GRIK1: variants seen among roughly 807,000 people sequenced by gnomAD.
The protein encoded by GRIK1 is glutamate receptor ionotropic, kainate 1.
GRIK1 carries 69 observed loss-of-function variants against 105.7 expected under a neutral mutation model. That is an observed-to-expected ratio of 0.65 (90% CI 0.54 to 0.80). GRIK1 has a LOEUF of 0.80. Ranked by LOEUF, GRIK1 falls within the 30% of genes least tolerant of loss-of-function variation. The pLI is 0.00. For synonymous variants in GRIK1, 438 were observed against 431.3 expected (o/e 1.02, Z -0.19); for missense variants, 1,109 against 1,167.3 (o/e 0.95, Z 0.73).
chr21:29,860,912 A>T (rs914940975), intron 1 of GRIK1, among the ~76,000 whole-genome samples: 1 of 152,186 alleles, frequency 6.6e-6, no homozygotes, highest in Non-Finnish European at 1.5e-5. Context: ...ATAGAAAAAC[A>T]TTAATTTTAA....
intron 14 of GRIK1, among the ~76,000 whole-genome samples, chr21:29,574,883 A>T (rs2090850892): frequency 6.6e-6 from 1 of 150,564 alleles, no homozygotes. Flanking sequence ...TTTAGTAGAG[A>T]CGGGGTTTCA....
intron 7 of GRIK1, among the ~76,000 whole-genome samples, chr21:29,603,780 TG>T (rs2061563177): frequency 6.6e-6 from 1 of 152,166 alleles, no homozygotes; most frequent in African/African-American, 2.4e-5. Flanking sequence ...TTTGGTTGAG[TG>T]GAAATCTCCA....
At chr21:29,805,182 C>CA (rs1254069497) in intron 1 of GRIK1, among the ~76,000 whole-genome samples, 1 of 152,040 alleles carries the variant, frequency 6.6e-6, no homozygotes, top group Non-Finnish European at 1.5e-5. Context: ...CTAAGAGAGC[C>CA]AAAAAGGGCA....
intron 1 of GRIK1, among the ~76,000 whole-genome samples, chr21:29,914,094 C>T (rs1333078446): frequency 6.6e-6 from 1 of 151,814 alleles, no homozygotes; most frequent in Non-Finnish European, 1.5e-5. Context: ...GGGGAGTTTT[C>T]CTGCATACTA....
chr21:29,921,193 A>G (rs764331274), intron 1 of GRIK1, among the ~76,000 whole-genome samples: 9 of 142,450 alleles, frequency 6.3e-5, no homozygotes, highest in Non-Finnish European at 1.0e-4. Flanking sequence ...AGACATTGCC[A>G]AATGTCCCCT....
intron 14 of GRIK1, among the ~76,000 whole-genome samples, chr21:29,570,045 C>T (rs1411435629): frequency 6.6e-6 from 1 of 152,046 alleles, no homozygotes; most frequent in Non-Finnish European, 1.5e-5. Flanking sequence ...TGGTGGTGGT[C>T]CCAGGGAGTT....
At chr21:29,768,343 A>C (rs1233201437) in intron 1 of GRIK1, among the ~76,000 whole-genome samples, 3 of 152,190 alleles carry the variant, frequency 2.0e-5, no homozygotes, top group African/African-American at 7.2e-5. Flanking sequence ...ACCTGAGGCC[A>C]AGGCTTTTGT....
chr21:29,810,138 A>C (rs1160263890), intron 1 of GRIK1, among the ~76,000 whole-genome samples: 1 of 152,034 alleles, frequency 6.6e-6, no homozygotes, highest in African/African-American at 2.4e-5. Context: ...TCTCTACTAA[A>C]AATACAAAAT....
Position 29,576,505 on chromosome 21 carries a change from T to A in GRIK1, c.2130+459A>T, listed in dbSNP as rs1431772659. 2.0e-5 allele frequency among the ~76,000 whole-genome samples: 3 copies of A among 152,198 alleles called. No individual in the cohort carries two copies. In the East Asian group the frequency reaches 5.8e-4, roughly 29 times the overall value. On this transcript the variant is annotated intron_variant, in intron 14 of 17. Coordinates refer to ENST00000327783, the MANE Select transcript of GRIK1 (RefSeq NM_001330994.2). ...TAACTAAATTCCAATATCAACACGT[T>A]TTCTTGTCATCTGTTTCTATCTCAT...
At chr21:29,812,723 T>A (rs559825618) in intron 1 of GRIK1, among the ~76,000 whole-genome samples, 2 of 152,276 alleles carry the variant, frequency 1.3e-5, no homozygotes, top group African/African-American at 4.8e-5. Context: ...AATATGCTAC[T>A]CTGATTCCAA....
rs114688775 is a variant in GRIK1, at chr21:29,594,432, C to T, written c.1251+2094G>A. Among the ~76,000 whole-genome samples the T allele has an allele frequency of 2.5e-3, 387 of 152,148 alleles. 2 individuals are homozygous for T. Among genetic ancestry groups the T allele is most frequent in the African/African-American group, 9.0e-3 (375 of 41,442 alleles). ...AACTAGGAGGAGTGCCTCCAGGGAGCGGAACCTCAGTTTTCAAGCTTCACA... is the reference window on the plus strand; with the variant it reads ...AACTAGGAGGAGTGCCTCCAGGGAGTGGAACCTCAGTTTTCAAGCTTCACA... On this transcript the variant is annotated intron_variant, in intron 9 of 17. Transcript: ENST00000327783.
At chr21:29,619,692 T>G (rs2061942807) in intron 7 of GRIK1, among the ~76,000 whole-genome samples, 1 of 152,204 alleles carries the variant, frequency 6.6e-6, no homozygotes, top group Non-Finnish European at 1.5e-5. Flanking sequence ...TCATATTCAA[T>G]GATCATACTG....
intron 1 of GRIK1, among the ~76,000 whole-genome samples, chr21:29,904,589 A>T (rs2070536720): frequency 6.6e-6 from 1 of 152,160 alleles, no homozygotes. Context: ...GACCTACTGC[A>T]ATCACTTTCA....
At chr21:29,928,158 G>A (rs1363273261) in intron 1 of GRIK1, among the ~76,000 whole-genome samples, 1 of 152,198 alleles carries the variant, frequency 6.6e-6, no homozygotes, top group African/African-American at 2.4e-5. Flanking sequence ...CCACAGATAA[G>A]CAAAAACATC....
At chr21:29,706,701 A>T (rs1394641710) in intron 1 of GRIK1, among the ~76,000 whole-genome samples, 1 of 152,210 alleles carries the variant, frequency 6.6e-6, no homozygotes, top group Non-Finnish European at 1.5e-5. Context: ...AGGACAGTTA[A>T]ACATCATATC....
chr21:29,619,819 G>A (rs1260061223), intron 7 of GRIK1, among the ~76,000 whole-genome samples: 1 of 152,146 alleles, frequency 6.6e-6, no homozygotes, highest in Non-Finnish European at 1.5e-5. Context: ...CACAGCCCCA[G>A]ATTCAAATCT....
chr21:29,661,328 T>G (rs2062957864), intron 4 of GRIK1, among the ~76,000 whole-genome samples: 1 of 152,236 alleles, frequency 6.6e-6, no homozygotes, highest in African/African-American at 2.4e-5. Flanking sequence ...ATATGTTCCT[T>G]TACCTGGAGA....
chr21:29,670,974 GC>G (rs1461001653), intron 4 of GRIK1, among the ~76,000 whole-genome samples: 23 of 152,158 alleles, frequency 1.5e-4, no homozygotes, highest in African/African-American at 4.8e-4. Flanking sequence ...CTTCTGCCTA[GC>G]AGGAGTGACA....
chr21:29,861,128 TTA>T, intron 1 of GRIK1, among the ~76,000 whole-genome samples: 1 of 152,324 alleles, frequency 6.6e-6, no homozygotes, highest in East Asian at 1.9e-4. Flanking sequence ...AGAGATAGTT[TTA>T]TGTCTTCCAA....
Sources: gnomAD v4.1 joint callset for allele counts (sites outside exome capture counted in the v4.1 genomes callset) on GRCh38, gnomAD v4.1.1 for gene constraint, MANE v1.5 for transcripts, NCBI Gene and HGNC (gene_info 2026-07-23, HGNC 2026-07-21) for gene names.